Variants in TAS2R1 observed in about 807,000 individuals in gnomAD.
TAS2R1 encodes the protein taste receptor type 2 member 1.
For missense variants in TAS2R1, 370 were observed against 353.4 expected (o/e 1.05, Z -0.38); for synonymous variants, 141 against 134.2 (o/e 1.05, Z -0.35).
At chr5:9,664,989 A>G (rs1579774098) in intron 1 of TAS2R1, among the ~76,000 whole-genome samples, 2 of 152,346 alleles carry the variant, frequency 1.3e-5, no homozygotes, top group East Asian at 3.9e-4. Context: ...CATAAACTTA[A>G]CAGCTGAAAA....
At chr5:9,716,254 G>A (rs967834033), upstream of TAS2R1, among the ~76,000 whole-genome samples, 11 of 152,152 alleles carry the variant, frequency 7.2e-5, no homozygotes, top group African/African-American at 2.7e-4. Context: ...GGCCTCTCTT[G>A]TTCTGGGGTG....
chr5:9,871,196 G>A, the TAS2R1 span, among the ~76,000 whole-genome samples: 1 of 152,080 alleles, frequency 6.6e-6, no homozygotes, highest in Non-Finnish European at 1.5e-5. Context: ...ATCTTAAAAA[G>A]GAGAGAATTG....
chr5:9,640,497 TAAAAAAAAAAA>T (rs56140715), intron 2 of TAS2R1, among the ~76,000 whole-genome samples: 36 of 59,032 alleles, frequency 6.1e-4, no homozygotes, highest in African/African-American at 2.0e-3. Context: ...TTCAATTCCT[TAAAAAAAAAAA>T]AAAAAAAAAA....
chr5:9,637,178 A>ATT (rs202008490), intron 2 of TAS2R1, among the ~76,000 whole-genome samples: 1 of 152,162 alleles, frequency 6.6e-6, no homozygotes, highest in Non-Finnish European at 1.5e-5. Context: ...TCTGTCCTTC[A>ATT]TTTATGAAGC....
At chr5:9,894,858 G>A in the TAS2R1 span, among the ~76,000 whole-genome samples, 1 of 152,240 alleles carries the variant, frequency 6.6e-6, no homozygotes, top group Admixed American at 6.5e-5. Context: ...ACAAAGCAAA[G>A]GTTGCCTTAT....
chr5:9,840,886 T>C, the TAS2R1 span, among the ~76,000 whole-genome samples: 2 of 102,846 alleles, frequency 1.9e-5, no homozygotes, highest in African/African-American at 7.2e-5. Flanking sequence ...TTTTTTTTTT[T>C]TTTTTTTGAG....
At chr5:9,857,186 T>C in the TAS2R1 span, among the ~76,000 whole-genome samples, 1 of 152,082 alleles carries the variant, frequency 6.6e-6, no homozygotes, top group Non-Finnish European at 1.5e-5. Context: ...GGTTAAGGGG[T>C]ACAAAAATAC....
chr5:9,839,727 C>T, the TAS2R1 span, among the ~76,000 whole-genome samples: 1 of 152,018 alleles, frequency 6.6e-6, no homozygotes, highest in Non-Finnish European at 1.5e-5. Flanking sequence ...GTAGTTTTTG[C>T]ATGTGCAGTG....
At chr5:9,879,359 T>C in the TAS2R1 span, among the ~76,000 whole-genome samples, 1,540 of 152,318 alleles carry the variant, frequency 0.01, 11 homozygotes, top group Non-Finnish European at 0.016. Flanking sequence ...CAGGAACACA[T>C]GCATTTCCAT....
At chr5:9,769,822 T>C in the TAS2R1 span, among the ~76,000 whole-genome samples, 15 of 152,222 alleles carry the variant, frequency 9.9e-5, no homozygotes, top group Non-Finnish European at 2.2e-4. Context: ...TAATCCCTTG[T>C]CAGATGGATA....
chr5:9,838,982 G>A, the TAS2R1 span, among the ~76,000 whole-genome samples: 1 of 152,190 alleles, frequency 6.6e-6, no homozygotes, highest in Non-Finnish European at 1.5e-5. Flanking sequence ...ATCTGGGCTG[G>A]AGTACTTATT....
chr5:9,822,829 T>A, the TAS2R1 span, among the ~76,000 whole-genome samples: 1 of 152,102 alleles, frequency 6.6e-6, no homozygotes, highest in Non-Finnish European at 1.5e-5. Flanking sequence ...GAAATTAAGA[T>A]AATTTTCCCA....
chr5:9,895,401 T>C, the TAS2R1 span, among the ~76,000 whole-genome samples: 2 of 152,176 alleles, frequency 1.3e-5, no homozygotes, highest in Non-Finnish European at 2.9e-5. Context: ...GCCATTGCCT[T>C]TGAAAGTCAA....
At chr5:9,678,881 A>C (rs1187416246) in intron 1 of TAS2R1, among the ~76,000 whole-genome samples, 4 of 152,180 alleles carry the variant, frequency 2.6e-5, no homozygotes, top group Non-Finnish European at 5.9e-5. Context: ...ACCATGGCAC[A>C]TGTTTACCTA....
At chr5:9,655,181 T>C (rs1363559583) in intron 2 of TAS2R1, among the ~76,000 whole-genome samples, 1 of 152,168 alleles carries the variant, frequency 6.6e-6, no homozygotes, top group East Asian at 1.9e-4. Flanking sequence ...GAACAGGACA[T>C]GAGGGCCCTT....
chr5:9,691,284 G>A (rs1238791321), intron 1 of TAS2R1, among the ~76,000 whole-genome samples: 1 of 152,210 alleles, frequency 6.6e-6, no homozygotes, highest in Non-Finnish European at 1.5e-5. Context: ...GCCAAGGAAT[G>A]CCTGGAGCCC....
At chr5:9,736,782 G>A in the TAS2R1 span, among the ~76,000 whole-genome samples, 1 of 152,012 alleles carries the variant, frequency 6.6e-6, no homozygotes, top group Non-Finnish European at 1.5e-5. Context: ...TCTTATTTCA[G>A]TCCTGAGCTC....
At chr5:9,638,033 T>C (rs970318795) in intron 2 of TAS2R1, among the ~76,000 whole-genome samples, 1 of 152,222 alleles carries the variant, frequency 6.6e-6, no homozygotes, top group African/African-American at 2.4e-5. Context: ...GCTTTTCTTG[T>C]TCCTTATTTG....
At chr5:9,682,407 C>A (rs1359767439) in intron 1 of TAS2R1, among the ~76,000 whole-genome samples, 1 of 152,256 alleles carries the variant, frequency 6.6e-6, no homozygotes, top group East Asian at 1.9e-4. Context: ...GGAGGAGCAG[C>A]CCTGCCTTGT....
Sources: gnomAD v4.1 joint callset for allele counts (sites outside exome capture counted in the v4.1 genomes callset) on GRCh38, gnomAD v4.1.1 for gene constraint, MANE v1.5 for transcripts, NCBI Gene and HGNC (gene_info 2026-07-23, HGNC 2026-07-21) for gene names.